MYLK: variants seen among roughly 807,000 people sequenced by gnomAD.
The protein encoded by MYLK is myosin light chain kinase, smooth muscle.
Under a neutral mutation model 203.4 loss-of-function variants are expected in MYLK, and 106 were observed. The observed-to-expected ratio is 0.52, with a 90% confidence interval of 0.45 to 0.61. The LOEUF (loss-of-function observed/expected upper bound fraction) is 0.61. Ranked by LOEUF, MYLK falls within the 20% of genes least tolerant of loss-of-function variation. The pLI, the probability that MYLK is intolerant of heterozygous loss-of-function variation, is 0.00. For synonymous variants in MYLK, 867 were observed against 959.5 expected, an observed-to-expected ratio of 0.90 and a Z score of 1.78; for missense variants, 2,072 against 2,442.3, an observed-to-expected ratio of 0.85 and a Z score of 3.20.
At chr3:123,813,855 G>A (rs2065648823) in intron 3 of MYLK, among the ~76,000 whole-genome samples, 1 of 152,104 alleles carries the variant, frequency 6.6e-6, no homozygotes, top group African/African-American at 2.4e-5. Flanking sequence ...CAGAGCAACT[G>A]TCATCAACCC....
intron 11 of MYLK, among the ~76,000 whole-genome samples, chr3:123,731,040 A>G (rs2062457011): frequency 6.6e-6 from 1 of 152,194 alleles, no homozygotes; most frequent in South Asian, 2.1e-4. Context: ...TCACAGCAGA[A>G]GAAGCCACAG....
chr3:123,849,850 C>A (rs906970941), intron 2 of MYLK, among the ~76,000 whole-genome samples: 10 of 152,200 alleles, frequency 6.6e-5, no homozygotes, highest in African/African-American at 2.4e-4. Context: ...CCCATTAACT[C>A]ATCATTTACA....
At chr3:123,760,576 A>T (rs1297684064) in intron 4 of MYLK, among the ~76,000 whole-genome samples, 5 of 150,956 alleles carry the variant, frequency 3.3e-5, no homozygotes, top group Admixed American at 3.3e-4. Flanking sequence ...AAAGTCAACA[A>T]TTTTTTTTTT....
intron 3 of MYLK, among the ~76,000 whole-genome samples, chr3:123,819,022 C>T (rs1263442380): frequency 6.6e-6 from 1 of 152,186 alleles, no homozygotes; most frequent in African/African-American, 2.4e-5. Flanking sequence ...CTGGGCAAGG[C>T]TGCTTTGAAA....
At chr3:123,825,197 A>C (rs914268590) in intron 3 of MYLK, among the ~76,000 whole-genome samples, 3 of 152,056 alleles carry the variant, frequency 2.0e-5, no homozygotes, top group Non-Finnish European at 4.4e-5. Context: ...GAGACTTTCC[A>C]CTGACATCTC....
chr3:123,679,161 G>T (rs1337858448), intron 20 of MYLK, among the ~76,000 whole-genome samples: 1 of 152,150 alleles, frequency 6.6e-6, no homozygotes, highest in Non-Finnish European at 1.5e-5. Context: ...ACAAAAATTA[G>T]TTGGGCGTGG....
At chr3:123,843,126 A>G (rs1374093242) in intron 2 of MYLK, among the ~76,000 whole-genome samples, 1 of 152,256 alleles carries the variant, frequency 6.6e-6, no homozygotes, top group Non-Finnish European at 1.5e-5. Context: ...CTCCCGTATC[A>G]GTAATTCAAT....
intron 23 of MYLK, among the ~76,000 whole-genome samples, chr3:123,663,699 A>G (rs950283769): frequency 1.6e-4 from 24 of 152,146 alleles, no homozygotes; most frequent in Non-Finnish European, 2.6e-4. Context: ...GGCCATCCCC[A>G]GAGCCTGGAG....
At position 123,614,336 on chromosome 3, in the gene MYLK, G is replaced by C; in HGVS notation, c.5514C>G (p.Pro1838=). ...FDCKIEGYPD[P]EVVWFKDDQS... is the part of the protein sequence containing the mutation. ...GGTCATCTTTGAACCAGACAACCTCGGGGTCTGGGTATCCTGCATCACAGG... is the reference window on the plus strand; with the variant it reads ...GGTCATCTTTGAACCAGACAACCTCCGGGTCTGGGTATCCTGCATCACAGG... The change falls in exon 34 of 34, where the codon CCC becomes CCG. Residue 1838 remains proline, a synonymous_variant. Transcript: ENST00000360304. The C allele has an allele frequency of 6.2e-7, 1 of 1,614,152 alleles. No homozygotes were observed.
At chr3:123,681,823 C>T (rs1560064203) in intron 20 of MYLK, 1 of 265,034 alleles carries the variant, frequency 3.8e-6, no homozygotes, top group African/African-American at 2.2e-5. Context: ...CTGCATATTT[C>T]AACCAGGAGT....
At chr3:123,872,506 T>C (rs2032866434) in intron 2 of MYLK, among the ~76,000 whole-genome samples, 1 of 152,164 alleles carries the variant, frequency 6.6e-6, no homozygotes, top group Admixed American at 6.5e-5. Context: ...GGGCCCCTCT[T>C]ATTTCTGACC....
rs114541035 is a variant in MYLK, at chr3:123,750,179, T to C, written c.373+2152A>G. Among the ~76,000 whole-genome samples, 466 of 152,380 alleles carry C rather than the reference T, an allele frequency of 3.1e-3. 7 individuals carry two copies. The highest frequency in any genetic ancestry group is 0.011 in the African/African-American group (451 of 41,596). Reference sequence around the variant, plus strand: ...CACACACATTTAAAGAGCTGCATCCTTTAGGCTGTTCTCTATCTCCTAGAG... The same window carrying C: ...CACACACATTTAAAGAGCTGCATCCCTTAGGCTGTTCTCTATCTCCTAGAG... On this transcript the variant is annotated intron_variant, in intron 5 of 33. Coordinates refer to ENST00000360304, the MANE Select transcript of MYLK (RefSeq NM_053025.4).
At chr3:123,695,939 C>G (rs909901246) in intron 18 of MYLK, among the ~76,000 whole-genome samples, 2 of 152,128 alleles carry the variant, frequency 1.3e-5, no homozygotes, top group Non-Finnish European at 2.9e-5. Context: ...TAGGAAAAGA[C>G]TTGGGGGCAG....
intron 18 of MYLK, among the ~76,000 whole-genome samples, chr3:123,695,305 T>C (rs1005873326): frequency 1.3e-5 from 2 of 152,224 alleles, no homozygotes; most frequent in African/African-American, 2.4e-5. Context: ...AGCTCACCCA[T>C]GTCAAAGCAC....
chr3:123,684,349 G>C (rs1198386940), intron 19 of MYLK, among the ~76,000 whole-genome samples: 6 of 152,134 alleles, frequency 3.9e-5, no homozygotes, highest in Non-Finnish European at 7.4e-5. Context: ...GTGGCTCCAG[G>C]ACTATTCCAA....
At chr3:123,862,958 C>T (rs1039370817) in intron 2 of MYLK, among the ~76,000 whole-genome samples, 24 of 152,304 alleles carry the variant, frequency 1.6e-4, no homozygotes, top group African/African-American at 4.8e-4. Flanking sequence ...CCTGCACTCA[C>T]GTTGAAAACC....
intron 24 of MYLK, among the ~76,000 whole-genome samples, chr3:123,655,788 A>G (rs997735258): frequency 3.3e-5 from 5 of 152,248 alleles, no homozygotes; most frequent in African/African-American, 1.2e-4. Flanking sequence ...AATGAGGGTA[A>G]TAACAGTATC....
chr3:123,652,231 G>A (rs1011308496), intron 24 of MYLK, among the ~76,000 whole-genome samples: 8 of 152,086 alleles, frequency 5.3e-5, no homozygotes, highest in Non-Finnish European at 8.8e-5. Flanking sequence ...GTGCATAAAG[G>A]GTTGTTGAGA....
At chr3:123,709,387 G>A (rs1441602390) in intron 14 of MYLK, 2 of 308,058 alleles carry the variant, frequency 6.5e-6, no homozygotes, top group African/African-American at 4.3e-5. Flanking sequence ...GTGATCTGCT[G>A]CCTCGGCCTC....
Sources: gnomAD v4.1 joint callset for allele counts (sites outside exome capture counted in the v4.1 genomes callset) on GRCh38, gnomAD v4.1.1 for gene constraint, MANE v1.5 for transcripts, NCBI Gene and HGNC (gene_info 2026-07-23, HGNC 2026-07-21) for gene names.